The following OSBPL10 variants were observed in gnomAD, a reference collection of about 807,000 sequenced individuals.
OSBPL10 encodes oxysterol binding protein like 10, also known as oxysterol-binding protein-related protein 10.
Under a neutral mutation model 81.7 loss-of-function variants are expected in OSBPL10, and 49 were observed. That is an observed-to-expected ratio of 0.60 (90% CI 0.48 to 0.76). The LOEUF is 0.76. OSBPL10 is among the 30% of genes least tolerant of loss of function. The pLI, the probability that OSBPL10 is intolerant of heterozygous loss-of-function variation, is 0.00. For synonymous variants in OSBPL10, 419 were observed against 383.6 expected (o/e 1.09, Z -1.08); for missense variants, 923 against 987.8 (o/e 0.93, Z 0.88).
chr3:31,829,949 A>C (rs544676654), intron 4 of OSBPL10, 91 bp downstream of exon 4: 1 of 1,307,812 alleles, frequency 7.6e-7, no homozygotes, highest in Non-Finnish European at 1.0e-6. Context: ...CCATAAATCA[A>C]GACGGCGCAA....
intron 4 of OSBPL10, among the ~76,000 whole-genome samples, chr3:31,828,694 A>G (rs1700158146): frequency 6.6e-6 from 1 of 152,130 alleles, no homozygotes; most frequent in Non-Finnish European, 1.5e-5. Context: ...CACCATGCCC[A>G]GCTAATTTTT....
At chr3:31,877,779 C>T (rs747203200) in intron 2 of OSBPL10, among the ~76,000 whole-genome samples, 8 of 152,128 alleles carry the variant, frequency 5.3e-5, no homozygotes, top group African/African-American at 7.2e-5. Flanking sequence ...TGTCAAAAGG[C>T]CTGTTACACA....
chr3:31,952,194 C>T (rs936043275), intron 1 of OSBPL10, among the ~76,000 whole-genome samples: 9 of 152,188 alleles, frequency 5.9e-5, no homozygotes, highest in Admixed American at 5.9e-4. Context: ...AATCCTGGTG[C>T]AAAGTGGAAA....
intron 1 of OSBPL10, among the ~76,000 whole-genome samples, chr3:32,054,852 G>C (rs547135981): frequency 6.6e-6 from 1 of 152,044 alleles, no homozygotes; most frequent in East Asian, 1.9e-4. Context: ...AATAGTGGCT[G>C]TCCTAACTAA....
chr3:31,897,516 TACG>T (rs1333810193), intron 1 of OSBPL10, among the ~76,000 whole-genome samples: 1 of 152,164 alleles, frequency 6.6e-6, no homozygotes, highest in African/African-American at 2.4e-5. Context: ...TAAAGAAAGA[TACG>T]ACATTTCAGA....
intron 4 of OSBPL10, among the ~76,000 whole-genome samples, chr3:31,817,612 C>T (rs1179687547): frequency 6.6e-6 from 1 of 152,148 alleles, no homozygotes; most frequent in African/African-American, 2.4e-5. Context: ...CGTCTAAGAC[C>T]ACAGGGAGGC....
rs1559425080 is a variant in OSBPL10, at chr3:31,705,380, C to CG, written c.1096-2873_1096-2872insC. 2.9e-5 allele frequency among the ~76,000 whole-genome samples: 4 copies of CG among 139,930 alleles called. 1 individual carries two copies. The highest frequency in any genetic ancestry group is 1.1e-4 in the African/African-American group (4 of 36,592). 91.8% of individuals were successfully genotyped at this position (139,930 alleles called of 152,430 possible). On this transcript the variant is annotated intron_variant, in intron 6 of 11. Coordinates refer to ENST00000396556, the MANE Select transcript of OSBPL10 (RefSeq NM_017784.5). ...ATCTGCACAAAGAGAAGACCCCCCC[C>CG]CCCACCCCCATCGCGGTCCAACTTG...
At position 31,980,814 on chromosome 3, in the gene OSBPL10, TACACAGACACACATACACACACGCACGC is replaced by T. The variant is rs1698814035; in HGVS notation, c.281+57_281+84del. ...AGGCACAATCGCGCGCGCACACACATACACAGACACACATACACACACGCACGCACACACACACACACACACACAGCGG... is the reference window on the plus strand; with the variant it reads ...AGGCACAATCGCGCGCGCACACACATACACACACACACACACACACAGCGG... On this transcript the variant is annotated intron_variant, in intron 1 of 11. Coordinates refer to ENST00000396556, the MANE Select transcript of OSBPL10 (RefSeq NM_017784.5). 6 of 1,407,590 alleles carry T rather than the reference TACACAGACACACATACACACACGCACGC, an allele frequency of 4.3e-6. No individual in the cohort carries two copies. The African/African-American group carries it at 6.2e-5, about 15-fold the overall frequency. The allele number at this position is 1,407,590 out of a possible 1,614,324, so 87.2% of individuals were successfully genotyped here.
At chr3:31,727,752 T>A (rs1374889378) in intron 6 of OSBPL10, among the ~76,000 whole-genome samples, 2 of 152,194 alleles carry the variant, frequency 1.3e-5, no homozygotes, top group Non-Finnish European at 2.9e-5. Context: ...ACCTTGTTCA[T>A]CTCTAAAAAT....
intron 6 of OSBPL10, among the ~76,000 whole-genome samples, chr3:31,715,713 G>A (rs990379117): frequency 1.3e-5 from 2 of 152,162 alleles, no homozygotes; most frequent in African/African-American, 2.4e-5. Context: ...TTCTACTACC[G>A]ATGATTTGCT....
At chr3:31,687,893 AAATAATAATAATAATAAT>A (rs34327662) in intron 7 of OSBPL10, among the ~76,000 whole-genome samples, 1 of 143,862 alleles carries the variant, frequency 7.0e-6, no homozygotes, top group East Asian at 2.0e-4. Context: ...CCATCACTAC[AAATAATAATAATAATAAT>A]AATAATAATA....
chr3:31,664,301 A>T, intron 10 of OSBPL10, 69 bp from the exon 11 acceptor site: 1 of 1,549,976 alleles, frequency 6.5e-7, no homozygotes, highest in Non-Finnish European at 8.8e-7. Flanking sequence ...GAACTCTGCC[A>T]GGAGCAGCCA....
chr3:31,660,858 A>G lies in OSBPL10; in HGVS notation c.*1214T>C, dbSNP rs1001946646. On this transcript the variant is annotated 3_prime_UTR_variant, in exon 12 of 12. Transcript: ENST00000396556. ...ATCGAAATATATTTGTCTAATATCT[A>G]CAAAGTGTGAACAACTGGTCTTAAG... The G allele has an allele frequency of 6.5e-6, 1 of 152,686 alleles. No homozygotes were observed. Among genetic ancestry groups the G allele is most frequent in the African/African-American group, 2.4e-5 (1 of 41,464 alleles). 9.5% of individuals were successfully genotyped at this position (152,686 alleles called of 1,614,324 possible). A position where few individuals can be genotyped will look rare whatever the true frequency, so the allele number is the denominator to read the frequency against.
chr3:31,781,521 T>C (rs573710674), intron 4 of OSBPL10, among the ~76,000 whole-genome samples: 10 of 152,212 alleles, frequency 6.6e-5, no homozygotes, highest in Admixed American at 6.5e-4. Context: ...GGAAGTCAAA[T>C]TATCACTGTT....
At chr3:31,824,545 T>A (rs1464581769) in intron 4 of OSBPL10, among the ~76,000 whole-genome samples, 1 of 152,164 alleles carries the variant, frequency 6.6e-6, no homozygotes, top group Non-Finnish European at 1.5e-5. Flanking sequence ...AGGTTTGATA[T>A]GTACAGTTTG....
chr3:31,735,020 T>G (rs563932173), intron 5 of OSBPL10, among the ~76,000 whole-genome samples: 1 of 152,204 alleles, frequency 6.6e-6, no homozygotes, highest in South Asian at 2.1e-4. Flanking sequence ...GAAGACACTG[T>G]GTATGTGCGG....
intron 6 of OSBPL10, among the ~76,000 whole-genome samples, chr3:31,710,432 C>G (rs1199198401): frequency 6.6e-6 from 1 of 152,278 alleles, no homozygotes; most frequent in East Asian, 1.9e-4. Flanking sequence ...GCTTCCCTCT[C>G]AAAGCTGATT....
intron 2 of OSBPL10, among the ~76,000 whole-genome samples, chr3:32,027,969 C>T (rs1487722790): frequency 6.6e-6 from 1 of 152,180 alleles, no homozygotes; most frequent in Non-Finnish European, 1.5e-5. Flanking sequence ...ACATTCACTG[C>T]CTTGGTCTTT....
In OSBPL10 at chr3:31,867,277, G is replaced by A. The variant is rs1452118764; in HGVS notation, c.537+9156C>T. Among the ~76,000 whole-genome samples the A allele has an allele frequency of 2.0e-5, 3 of 152,256 alleles. No individual in the cohort carries two copies. The East Asian group carries it at 5.8e-4, about 29-fold the overall frequency. On this transcript the variant is annotated intron_variant, in intron 3 of 11. Transcript: ENST00000396556. ...GAAGCCCAGAGAAAAGATTTCTAAT[G>A]CGATGAGTATCATAAACTACTTCAA... is the stretch of plus-strand genomic sequence containing the variant.
Sources: gnomAD v4.1 joint callset for allele counts (sites outside exome capture counted in the v4.1 genomes callset) on GRCh38, gnomAD v4.1.1 for gene constraint, MANE v1.5 for transcripts, NCBI Gene and HGNC (gene_info 2026-07-23, HGNC 2026-07-21) for gene names.